Variants in SNX2 observed in about 807,000 individuals in gnomAD.
SNX2 encodes sorting nexin-2.
SNX2 carries 25 observed loss-of-function variants against 69.9 expected under a neutral mutation model. That is an observed-to-expected ratio of 0.36 (90% CI 0.26 to 0.50). The LOEUF (loss-of-function observed/expected upper bound fraction) is 0.50. SNX2 is among the 20% of genes least tolerant of loss of function. The pLI is 0.97. For synonymous variants in SNX2, 229 were observed against 200.4 expected, an observed-to-expected ratio of 1.14 and a Z score of -1.20; for missense variants, 551 against 613.3, an observed-to-expected ratio of 0.90 and a Z score of 1.07.
At chr5:122,779,592 G>T (rs1752926697) in intron 1 of SNX2, among the ~76,000 whole-genome samples, 1 of 152,130 alleles carries the variant, frequency 6.6e-6, no homozygotes. Context: ...ATGACCATGA[G>T]TATTCAGCTA....
At chr5:122,797,337 A>G (rs1753403380) in intron 2 of SNX2, among the ~76,000 whole-genome samples, 1 of 152,250 alleles carries the variant, frequency 6.6e-6, no homozygotes, top group South Asian at 2.1e-4. Context: ...GATGGGAACT[A>G]AAGAACAATA....
At chr5:122,789,553 C>A (rs745689954) in intron 1 of SNX2, among the ~76,000 whole-genome samples, 4 of 152,052 alleles carry the variant, frequency 2.6e-5, no homozygotes, top group Admixed American at 2.6e-4. Flanking sequence ...TTTATCTACC[C>A]GTGCTGTAGC....
intron 1 of SNX2, among the ~76,000 whole-genome samples, chr5:122,789,442 T>TACACACATAC (rs1753169982): frequency 7.1e-6 from 1 of 141,660 alleles, no homozygotes; most frequent in East Asian, 2.1e-4. Context: ...CACACACACA[T>TACACACATAC]ACACACACAC....
chr5:122,777,133 T>TTTCTTTTAAACAGTGCTTC (rs1752874338), intron 1 of SNX2, among the ~76,000 whole-genome samples: 1 of 152,222 alleles, frequency 6.6e-6, no homozygotes, highest in African/African-American at 2.4e-5. Flanking sequence ...GTACTTCACT[T>TTTCTTTTAAACAGTGCTTC]TTCTTTTAAA....
At chr5:122,797,185 C>T (rs1042141390) in intron 2 of SNX2, among the ~76,000 whole-genome samples, 1 of 152,218 alleles carries the variant, frequency 6.6e-6, no homozygotes, top group East Asian at 1.9e-4. Context: ...ACCTGGGTCT[C>T]CCAAAGTATT....
At chr5:122,828,983 TGGTGGCGCACCTGTAATCCCAGCTACTCA>T (rs1299048162) in intron 14 of SNX2, among the ~76,000 whole-genome samples, 2 of 151,800 alleles carry the variant, frequency 1.3e-5, no homozygotes, top group African/African-American at 4.8e-5. Flanking sequence ...TAGCTGGGCG[TGGTGGCGCACCTGTAATCCCAGCTACTCA>T]GGAGGCTGAG....
Position 122,802,099 on chromosome 5 carries a change from A to T in SNX2, c.476A>T (p.Tyr159Phe), listed in dbSNP as rs1405416300. The part of the protein sequence containing the change: ...PEKVGDGMNA[Y>F]MAYRVTTKTS... ...TTTGCAGGTGATGGCATGAATGCCT[A>T]TATGGCATATAGAGTAACAACAAAG... Residue 159 changes from tyrosine (Y) to phenylalanine (F), a missense_variant, in exon 5 of 15, where the codon TAT becomes TTT. Tyr to Phe is a conservative substitution (Grantham distance 22). Transcript: ENST00000379516. 1 of 1,613,704 alleles carries T rather than the reference A, an allele frequency of 6.2e-7. No homozygotes were observed. Among genetic ancestry groups the T allele is most frequent in the Non-Finnish European group, 8.5e-7 (1 of 1,179,780 alleles).
intron 1 of SNX2, 72 bp downstream of exon 1, chr5:122,775,283 G>T: frequency 1.4e-6 from 2 of 1,476,814 alleles, no homozygotes; most frequent in East Asian, 5.5e-5. Flanking sequence ...GCCCCGACTT[G>T]TCCCTCCCCA....
At chr5:122,816,042 A>G in intron 8 of SNX2, 71 bp downstream of exon 8, 1 of 704,150 alleles carries the variant, frequency 1.4e-6, no homozygotes, top group Non-Finnish European at 2.3e-6. Flanking sequence ...ATATGACTAT[A>G]TATAGTAAAT....
chr5:122,778,904 A>G (rs1262217841), intron 1 of SNX2, among the ~76,000 whole-genome samples: 1 of 152,204 alleles, frequency 6.6e-6, no homozygotes, highest in African/African-American at 2.4e-5. Context: ...ACTGTGAAAC[A>G]AAAAAGGGAT....
chr5:122,827,821 GTT>G (rs5871011), intron 14 of SNX2, 175 bp downstream of exon 14: 13,624 of 438,424 alleles, frequency 0.031, no homozygotes, highest in Middle Eastern at 0.035. Context: ...TATCTCACGT[GTT>G]TTTTTTTTTT....
chr5:122,801,276 A>T (rs1212603793), intron 3 of SNX2, among the ~76,000 whole-genome samples: 1 of 152,222 alleles, frequency 6.6e-6, no homozygotes, highest in African/African-American at 2.4e-5. Flanking sequence ...TTGTACAAAA[A>T]GACGAAAACA....
chr5:122,795,215 A>T lies in SNX2; in HGVS notation c.109-51A>T. On this transcript the variant is annotated intron_variant, in intron 1 of 14. Transcript: ENST00000379516. ...TTCTGTAGTACATGGTGACAGAATT[A>T]CAACAGGTAAACATGCCAATCCATT... 2.5e-6 allele frequency: 3 copies of T among 1,182,308 alleles called. 1 individual carries two copies. In the South Asian group the frequency reaches 3.8e-5, roughly 15 times the overall value. The allele number at this position is 1,182,308 out of a possible 1,614,324, so 73.2% of individuals were successfully genotyped here.
intron 11 of SNX2, among the ~76,000 whole-genome samples, chr5:122,820,169 G>C (rs968760701): frequency 1.7e-4 from 26 of 152,152 alleles, no homozygotes; most frequent in African/African-American, 5.3e-4. Context: ...AATAGCATGA[G>C]ACCTGTTGTA....
intron 14 of SNX2, among the ~76,000 whole-genome samples, chr5:122,828,875 T>C (rs900234946): frequency 4.6e-5 from 7 of 152,068 alleles, no homozygotes; most frequent in Non-Finnish European, 7.4e-5. Context: ...TCTCAGCACA[T>C]TGGGAGGCCG....
At chr5:122,790,961 A>G (rs923646651) in intron 1 of SNX2, among the ~76,000 whole-genome samples, 3 of 152,102 alleles carry the variant, frequency 2.0e-5, no homozygotes, top group East Asian at 1.9e-4. Flanking sequence ...GGAAGCTTCA[A>G]ATTTCTCACC....
chr5:122,806,222 T>G lies in SNX2; in HGVS notation c.644-2055T>G, dbSNP rs530382097. On this transcript the variant is annotated intron_variant, in intron 6 of 14. Coordinates refer to ENST00000379516, the MANE Select transcript of SNX2 (RefSeq NM_003100.4). ...AACTACAGATAATACAGTTTATATA[T>G]AGAGAAATTATCAGGAAAAAAATAA... is the stretch of plus-strand genomic sequence containing the variant. Among the ~76,000 whole-genome samples, 84 of 151,758 alleles carry G rather than the reference T, an allele frequency of 5.5e-4. 1 individual carries two copies. Among genetic ancestry groups the G allele is most frequent in the South Asian group, 3.5e-3 (17 of 4,806 alleles).
chr5:122,826,303 A>G (rs903719359), intron 12 of SNX2, 110 bp downstream of exon 12: 8 of 915,220 alleles, frequency 8.7e-6, no homozygotes, highest in African/African-American at 5.0e-5. Flanking sequence ...CTATTTTTGC[A>G]TATTTTTATG....
At chr5:122,777,792 A>G (rs1752887727) in intron 1 of SNX2, among the ~76,000 whole-genome samples, 1 of 152,220 alleles carries the variant, frequency 6.6e-6, no homozygotes, top group African/African-American at 2.4e-5. Context: ...AAATCAGGAT[A>G]ATTAGCTTAT....
Sources: gnomAD v4.1 joint callset for allele counts (sites outside exome capture counted in the v4.1 genomes callset) on GRCh38, gnomAD v4.1.1 for gene constraint, MANE v1.5 for transcripts, NCBI Gene and HGNC (gene_info 2026-07-23, HGNC 2026-07-21) for gene names.